MOGAT1: variants seen among roughly 807,000 people sequenced by gnomAD.
MOGAT1 encodes 2-acylglycerol O-acyltransferase 1.
MOGAT1 carries 32 observed loss-of-function variants against 31.4 expected under a neutral mutation model. The ratio of observed to expected loss-of-function variants is 1.02; its 90% confidence interval spans 0.77 to 1.37. The LOEUF is 1.37. Among genes scored for constraint, MOGAT1 ranks in the 40% most tolerant of loss-of-function variants. The probability of loss-of-function intolerance (pLI) is 0.00; values close to 1 mark genes in which losing one functional copy is unlikely to be tolerated. For synonymous variants in MOGAT1, 145 were observed against 144.5 expected, an observed-to-expected ratio of 1.00 and a Z score of -0.03; for missense variants, 426 against 402.0, an observed-to-expected ratio of 1.06 and a Z score of -0.51.
chr2:222,705,840 C>T (rs1280715904), intron 5 of MOGAT1, among the ~76,000 whole-genome samples: 5 of 152,148 alleles, frequency 3.3e-5, no homozygotes, highest in Non-Finnish European at 7.3e-5. Flanking sequence ...CTCACAATAG[C>T]AGGTTGTTTT....
rs750144670 is a variant in MOGAT1, at chr2:222,695,234, GT to G, written c.804del (p.Gln269SerfsTer6). 6.2e-7 allele frequency: 1 copy of G among 1,613,656 alleles called. No individual in the cohort carries two copies. Among genetic ancestry groups the G allele is most frequent in the Non-Finnish European group, 8.5e-7 (1 of 1,179,754 alleles). On this transcript the variant is annotated frameshift_variant, in exon 5 of 6. Coordinates refer to ENST00000446656, the MANE Select transcript of MOGAT1 (RefSeq NM_058165.3). LOFTEE classifies it high-confidence loss of function. ...FALPLFHARG[V>X]FQYNFGLMTY... ...TTTGCCCCTGTTTCATGCCAGGGGAGTTTTTCAGTACAATTTTGGCCTAATG... is the reference window on the plus strand; with the variant it reads ...TTTGCCCCTGTTTCATGCCAGGGGAGTTTTCAGTACAATTTTGGCCTAATG...
chr2:222,693,113 T>A (rs932996535), intron 3 of MOGAT1, among the ~76,000 whole-genome samples: 2 of 152,222 alleles, frequency 1.3e-5, no homozygotes, highest in Admixed American at 1.3e-4. Context: ...TATGTCTTTA[T>A]AAAGACTGTC....
chr2:222,702,810 C>A (rs567941992), intron 5 of MOGAT1, among the ~76,000 whole-genome samples: 35 of 147,332 alleles, frequency 2.4e-4, no homozygotes, highest in Non-Finnish European at 4.2e-4. Flanking sequence ...GGCAACAGAA[C>A]AAGACTTTGT....
At chr2:222,693,677 T>G (rs561765028) in intron 3 of MOGAT1, among the ~76,000 whole-genome samples, 1 of 151,832 alleles carries the variant, frequency 6.6e-6, no homozygotes, top group Non-Finnish European at 1.5e-5. Context: ...TATGAAACAA[T>G]CAGATCTCAT....
chr2:222,671,932 G>C, intron 1 of MOGAT1, 53 bp downstream of exon 1: 1 of 1,404,336 alleles, frequency 7.1e-7, no homozygotes, highest in South Asian at 1.2e-5. Flanking sequence ...TCCTCCCTCG[G>C]GACGGTCCGG....
intron 1 of MOGAT1, among the ~76,000 whole-genome samples, chr2:222,672,413 C>A (rs1692430222): frequency 6.6e-6 from 1 of 152,168 alleles, no homozygotes; most frequent in Non-Finnish European, 1.5e-5. Context: ...GAAGGCTGCA[C>A]CACTCATTGC....
At chr2:222,672,645 C>G (rs59702209) in intron 1 of MOGAT1, among the ~76,000 whole-genome samples, 3 of 151,930 alleles carry the variant, frequency 2.0e-5, no homozygotes, top group Middle Eastern at 3.4e-3. Context: ...TGGGGGAGAC[C>G]CTTCTATTGA....
intron 1 of MOGAT1, among the ~76,000 whole-genome samples, chr2:222,673,109 C>T (rs1268331353): frequency 6.6e-6 from 1 of 151,482 alleles, no homozygotes; most frequent in Non-Finnish European, 1.5e-5. Flanking sequence ...GACGGGGTTT[C>T]TCCATGTTGG....
intron 5 of MOGAT1, among the ~76,000 whole-genome samples, chr2:222,697,561 G>A (rs868156100): frequency 6.0e-5 from 9 of 149,464 alleles, no homozygotes; most frequent in Middle Eastern, 3.5e-3. Flanking sequence ...GTGGAAGGGA[G>A]ACAATTATCA....
At chr2:222,675,791 T>G (rs1371411391) in intron 1 of MOGAT1, among the ~76,000 whole-genome samples, 1 of 151,950 alleles carries the variant, frequency 6.6e-6, no homozygotes, top group Admixed American at 6.6e-5. Context: ...AGCTAGAATT[T>G]CTGCAGTTAA....
In MOGAT1 at chr2:222,696,833, A is replaced by G. The variant is rs192935437; in HGVS notation, c.853+1545A>G. Reference sequence around the variant, plus strand: ...GACAGGAGGAATGCCTGAGCCCAGGAGTTCGAGACCAGACTGGCAACAAAG... The same window carrying G: ...GACAGGAGGAATGCCTGAGCCCAGGGGTTCGAGACCAGACTGGCAACAAAG... On this transcript the variant is annotated intron_variant, in intron 5 of 5. Coordinates refer to ENST00000446656, the MANE Select transcript of MOGAT1 (RefSeq NM_058165.3). Among the ~76,000 whole-genome samples the G allele has an allele frequency of 2.0e-5, 3 of 152,308 alleles. No homozygotes were observed. The East Asian group carries it at 5.8e-4, about 29-fold the overall frequency.
chr2:222,709,695 G>T, intron 5 of MOGAT1, 41 bp from the exon 6 acceptor site: 8 of 1,593,258 alleles, frequency 5.0e-6, no homozygotes, highest in Non-Finnish European at 6.9e-6. Flanking sequence ...GTGGTGGAGT[G>T]GTTTTAGTTC....
intron 5 of MOGAT1, among the ~76,000 whole-genome samples, chr2:222,696,066 C>G (rs1055584476): frequency 1.3e-5 from 2 of 152,154 alleles, no homozygotes; most frequent in African/African-American, 4.8e-5. Context: ...GTTTCCAATT[C>G]CATCCAGGTT....
intron 1 of MOGAT1, among the ~76,000 whole-genome samples, chr2:222,675,629 A>G (rs559941024): frequency 2.6e-4 from 40 of 151,612 alleles, no homozygotes; most frequent in South Asian, 6.3e-4. Context: ...ACAGGCGCCC[A>G]CCACCACGCC....
At chr2:222,706,027 G>A (rs1574978888) in intron 5 of MOGAT1, among the ~76,000 whole-genome samples, 1 of 152,170 alleles carries the variant, frequency 6.6e-6, no homozygotes, top group East Asian at 1.9e-4. Flanking sequence ...TAAGAAGCAG[G>A]GGCAGGAATG....
intron 1 of MOGAT1, among the ~76,000 whole-genome samples, chr2:222,685,534 T>A (rs1331661175): frequency 2.0e-5 from 3 of 151,890 alleles, no homozygotes; most frequent in African/African-American, 7.3e-5. Context: ...ATATGCAGCA[T>A]GTATAGAAAA....
At chr2:222,704,973 A>C (rs573876703) in intron 5 of MOGAT1, among the ~76,000 whole-genome samples, 10 of 152,326 alleles carry the variant, frequency 6.6e-5, no homozygotes, top group Non-Finnish European at 1.3e-4. Context: ...GCAAGTCCAT[A>C]AAATGAAAGC....
chr2:222,682,606 T>C (rs574523063), intron 1 of MOGAT1, among the ~76,000 whole-genome samples: 1 of 152,308 alleles, frequency 6.6e-6, no homozygotes, highest in Admixed American at 6.5e-5. Context: ...CTTACTTGTT[T>C]CAAACATGTA....
At chr2:222,704,202 T>C (rs1692970405) in intron 5 of MOGAT1, among the ~76,000 whole-genome samples, 1 of 152,212 alleles carries the variant, frequency 6.6e-6, no homozygotes, top group South Asian at 2.1e-4. Context: ...CTTTGTTTTG[T>C]AAAAAGGGAG....
Sources: allele counts gnomAD v4.1 joint callset (sites outside exome capture counted in the v4.1 genomes callset), GRCh38; gene constraint gnomAD v4.1.1; transcripts MANE v1.5; gene names NCBI Gene and HGNC (gene_info 2026-07-23, HGNC 2026-07-21).